Variants in EPHB2 observed in about 807,000 individuals in gnomAD.
EPHB2 encodes EPH receptor B2, also known as ephrin type-B receptor 2.
A neutral mutation model predicts 96.4 loss-of-function variants in EPHB2; 18 were observed. The ratio of observed to expected loss-of-function variants is 0.19; its 90% CI spans 0.13 to 0.28. The LOEUF (loss-of-function observed/expected upper bound fraction) is 0.28, where lower values mean the gene tolerates loss of function less well. EPHB2 is among the 10% of genes least tolerant of loss of function. EPHB2 has a pLI of 1.00. For missense variants in EPHB2, 989 were observed against 1,355.4 expected (o/e 0.73, Z 4.25); for synonymous variants, 506 against 534.1 (o/e 0.95, Z 0.72).
rs148935135 is a variant in EPHB2 at position 22,790,726 on chromosome 1, C to T, written c.811+5650C>T. 4.7e-4 allele frequency among the ~76,000 whole-genome samples: 71 copies of T among 152,338 alleles called. No individual in the cohort carries two copies. The highest frequency in any genetic ancestry group is 1.6e-3 in the African/African-American group (65 of 41,582). On this transcript the variant is annotated intron_variant, in intron 3 of 15. Coordinates refer to ENST00000374630, the MANE Select transcript of EPHB2 (RefSeq NM_017449.5). The surrounding 1 kb of genome is among the most constrained non-coding windows in gnomAD (Gnocchi z 4.0). ...TCTGCGAGGGATCTGGAGGCAGTTCCGCAGTGAGCATGATTGCTGCGATGC... is the reference window on the plus strand; with the variant it reads ...TCTGCGAGGGATCTGGAGGCAGTTCTGCAGTGAGCATGATTGCTGCGATGC...
chr1:22,751,316 G>A (rs12085264), intron 1 of EPHB2, among the ~76,000 whole-genome samples: 20,043 of 152,164 alleles, frequency 0.13, 1,529 homozygotes, highest in Admixed American at 0.19. Flanking sequence ...GACTGATGGG[G>A]CGCCAGGTGG....
chr1:22,785,631 G>A (rs1435440268), intron 3 of EPHB2, among the ~76,000 whole-genome samples: 1 of 152,216 alleles, frequency 6.6e-6, no homozygotes, highest in Non-Finnish European at 1.5e-5. Flanking sequence ...GCCATCTGCA[G>A]GGCAGACAGA....
At chr1:22,818,606 A>G (rs1012009120) in intron 3 of EPHB2, among the ~76,000 whole-genome samples, 16 of 152,200 alleles carry the variant, frequency 1.1e-4, no homozygotes, top group Non-Finnish European at 2.2e-4. Context: ...CCTCCGGCCC[A>G]GCCTTCCCAT....
At chr1:22,720,660 T>TCCCCCGC (rs1553157949) in intron 1 of EPHB2, among the ~76,000 whole-genome samples, 1 of 57,380 alleles carries the variant, frequency 1.7e-5, no homozygotes, top group Non-Finnish European at 3.4e-5. Context: ...GAAATCTCAT[T>TCCCCCGC]CCCCCCCCCC....
rs1640298851 is a variant in EPHB2 at position 22,917,525 on chromosome 1, A to G, written c.*3955A>G. ...TAGCAGCCTGCTCCTGTCACTAGGGATGTGAATCTGGGGAGACACTTCCCC... is the reference window on the plus strand; with the variant it reads ...TAGCAGCCTGCTCCTGTCACTAGGGGTGTGAATCTGGGGAGACACTTCCCC... On this transcript the variant is annotated 3_prime_UTR_variant, in exon 16 of 16. Coordinates refer to ENST00000374630, the MANE Select transcript of EPHB2 (RefSeq NM_017449.5). The G allele has an allele frequency of 6.6e-6, 1 of 152,218 alleles. No homozygotes were observed. Among genetic ancestry groups the G allele is most frequent in the Admixed American group, 6.5e-5 (1 of 15,288 alleles). 9.4% of individuals were successfully genotyped at this position (152,218 alleles called of 1,614,324 possible). A position where few individuals can be genotyped will look rare whatever the true frequency, so the allele number is the denominator to read the frequency against.
At chr1:22,791,242 A>G (rs762622867) in intron 3 of EPHB2, among the ~76,000 whole-genome samples, 12 of 152,140 alleles carry the variant, frequency 7.9e-5, no homozygotes, top group Admixed American at 3.9e-4. Context: ...TTATCACAAA[A>G]GCAATGCAGG....
At chr1:22,891,099 G>T (rs932210683) in intron 6 of EPHB2, 1 of 455,882 alleles carries the variant, frequency 2.2e-6, no homozygotes, top group Non-Finnish European at 4.4e-6. Flanking sequence ...AAACTCTGAG[G>T]TAGCTACTGT....
chr1:22,788,753 G>GTT (rs66554696), intron 3 of EPHB2, among the ~76,000 whole-genome samples: 2 of 134,162 alleles, frequency 1.5e-5, no homozygotes, highest in African/African-American at 2.9e-5. Flanking sequence ...TTTTGTTTTT[G>GTT]TTTTTTTTTT....
intron 1 of EPHB2, chr1:22,719,572 A>C (rs961072068): frequency 2.0e-5 from 3 of 152,682 alleles, no homozygotes; most frequent in African/African-American, 7.2e-5. Context: ...GGTGTGTTGC[A>C]AGTCGGTGGA....
chr1:22,742,278 T>C (rs1643913686), intron 1 of EPHB2, among the ~76,000 whole-genome samples: 1 of 151,864 alleles, frequency 6.6e-6, no homozygotes, highest in African/African-American at 2.4e-5. Flanking sequence ...GTGAGACAGG[T>C]TGGAGATAGA....
intron 1 of EPHB2, among the ~76,000 whole-genome samples, chr1:22,731,247 C>T (rs1426336140): frequency 2.0e-5 from 3 of 152,102 alleles, no homozygotes; most frequent in African/African-American, 7.2e-5. Flanking sequence ...GAATGGAGGG[C>T]AGAGGGACAG....
At chr1:22,908,932 G>A in intron 12 of EPHB2, 90 bp from the exon 13 acceptor site, 6 of 1,569,368 alleles carry the variant, frequency 3.8e-6, no homozygotes, top group Non-Finnish European at 4.3e-6. Context: ...ATGAGATTGG[G>A]GCATCACAGG....
chr1:22,828,442 C>T (rs944630905), intron 3 of EPHB2, among the ~76,000 whole-genome samples: 3 of 152,276 alleles, frequency 2.0e-5, no homozygotes, highest in East Asian at 1.9e-4. Flanking sequence ...TACATCTGCA[C>T]GGATGAGCAT....
chr1:22,810,973 G>C (rs949822102), intron 3 of EPHB2, among the ~76,000 whole-genome samples: 1 of 152,148 alleles, frequency 6.6e-6, no homozygotes, highest in African/African-American at 2.4e-5. Flanking sequence ...CCTGTTCCCT[G>C]CCCCTTGGAG....
chr1:22,722,161 T>TTG (rs1553158201), intron 1 of EPHB2, among the ~76,000 whole-genome samples: 3 of 47,870 alleles, frequency 6.3e-5, no homozygotes, highest in African/African-American at 1.7e-4. Context: ...ATGCCCAGCA[T>TTG]TTTTTTTTTC....
chr1:22,742,397 C>G (rs143483829), intron 1 of EPHB2, among the ~76,000 whole-genome samples: 6 of 152,180 alleles, frequency 3.9e-5, no homozygotes, highest in East Asian at 1.9e-4. Flanking sequence ...GAGCTCTGTC[C>G]AGGTTCCCAG....
intron 1 of EPHB2, among the ~76,000 whole-genome samples, chr1:22,716,490 C>T (rs1570139285): frequency 6.6e-6 from 1 of 152,182 alleles, no homozygotes; most frequent in East Asian, 1.9e-4. Context: ...TGCCACTACA[C>T]CCGGCTAATT....
At chr1:22,874,096 T>C (rs1245681981) in intron 5 of EPHB2, among the ~76,000 whole-genome samples, 1 of 152,180 alleles carries the variant, frequency 6.6e-6, no homozygotes, top group African/African-American at 2.4e-5. Context: ...TTTTCTCACC[T>C]TCACCGCCAC....
chr1:22,847,967 T>C (rs1027567894), intron 3 of EPHB2, among the ~76,000 whole-genome samples: 1 of 152,070 alleles, frequency 6.6e-6, no homozygotes, highest in African/African-American at 2.4e-5. Flanking sequence ...AATCATACTC[T>C]CTCTCCCCTG....
Sources: gnomAD v4.1 joint callset for allele counts (sites outside exome capture counted in the v4.1 genomes callset) on GRCh38, gnomAD v4.1.1 for gene constraint, Gnocchi (gnomAD v3.1) non-coding constraint, MANE v1.5 for transcripts, NCBI Gene and HGNC (gene_info 2026-07-23, HGNC 2026-07-21) for gene names.